GRID2: variants seen among roughly 807,000 people sequenced by gnomAD.
GRID2 encodes the protein glutamate ionotropic receptor delta type subunit 2.
Under a neutral mutation model 114.8 loss-of-function variants are expected in GRID2, and 33 were observed. The observed-to-expected ratio is 0.29, with a 90% confidence interval of 0.22 to 0.38. The LOEUF (loss-of-function observed/expected upper bound fraction) is 0.38. Among genes scored for constraint, GRID2 ranks in the 10% least tolerant of loss-of-function variants. GRID2 has a pLI of 1.00. For missense variants in GRID2, 1,184 were observed against 1,257.7 expected (o/e 0.94, Z 0.89); for synonymous variants, 505 against 449.9 (o/e 1.12, Z -1.55).
intron 1 of GRID2, among the ~76,000 whole-genome samples, chr4:92,378,200 T>C (rs1350216445): frequency 1.3e-5 from 2 of 152,088 alleles, no homozygotes; most frequent in Non-Finnish European, 2.9e-5. Context: ...AAGGGGATTT[T>C]AAGTCATCAC....
chr4:92,461,019 A>G (rs567367925), intron 1 of GRID2, among the ~76,000 whole-genome samples: 5 of 151,552 alleles, frequency 3.3e-5, no homozygotes, highest in African/African-American at 1.2e-4. Flanking sequence ...CCACATATTT[A>G]TTTTTCCATA....
intron 2 of GRID2, among the ~76,000 whole-genome samples, chr4:92,620,777 C>T (rs1730231122): frequency 6.6e-6 from 1 of 150,692 alleles, no homozygotes; most frequent in Non-Finnish European, 1.5e-5. Flanking sequence ...GAACATCACA[C>T]ACCGGGGACT....
intron 10 of GRID2, among the ~76,000 whole-genome samples, chr4:93,443,631 A>T (rs910314079): frequency 1.3e-5 from 2 of 151,952 alleles, no homozygotes. Flanking sequence ...GTGATACATC[A>T]TGAGCAGGGT....
Position 92,548,401 on chromosome 4 carries a change from A to ATTTTTTTTTTTTTTTTTTTTTTTTTTTTT in GRID2, c.89-41712_89-41711insTTTTTTTTTTTTTTTTTTTTTTTTTTTTT, listed in dbSNP as rs61653263. On this transcript the variant is annotated intron_variant, in intron 1 of 15. Coordinates refer to ENST00000282020, the MANE Select transcript of GRID2 (RefSeq NM_001510.4). ...ATGAAGACATTTCTGAGACTGTGTA[A>ATTTTTTTTTTTTTTTTTTTTTTTTTTTTT]TTTTTTTTTTTTTTTTTTGAGACAG... Among the ~76,000 whole-genome samples, 81 of 60,790 alleles carry ATTTTTTTTTTTTTTTTTTTTTTTTTTTTT rather than the reference A, an allele frequency of 1.3e-3. 20 individuals carry two copies. The highest frequency in any genetic ancestry group is 2.4e-3 in the African/African-American group (28 of 11,758). The allele number at this position is 60,790 out of a possible 152,430, so 39.9% of individuals were successfully genotyped here. A position where few individuals can be genotyped will look rare whatever the true frequency, so the allele number is the denominator to read the frequency against.
At chr4:93,191,923 C>T (rs1741016287) in intron 4 of GRID2, among the ~76,000 whole-genome samples, 1 of 152,050 alleles carries the variant, frequency 6.6e-6, no homozygotes, top group Admixed American at 6.6e-5. Flanking sequence ...CTCATTATAC[C>T]CATAATATCT....
intron 8 of GRID2, among the ~76,000 whole-genome samples, chr4:93,325,722 A>T (rs1757759710): frequency 6.6e-6 from 1 of 152,010 alleles, no homozygotes; most frequent in Non-Finnish European, 1.5e-5. Context: ...CTTTAAACTT[A>T]TTAAATGTGC....
chr4:92,349,013 T>G (rs1221301292), intron 1 of GRID2, among the ~76,000 whole-genome samples: 1 of 152,152 alleles, frequency 6.6e-6, no homozygotes, highest in South Asian at 2.1e-4. Flanking sequence ...AGAGTGCTTT[T>G]TTTTTTGAGT....
chr4:93,450,232 T>C (rs1722551080), intron 10 of GRID2, among the ~76,000 whole-genome samples: 1 of 151,888 alleles, frequency 6.6e-6, no homozygotes, highest in African/African-American at 2.4e-5. Flanking sequence ...GGCAGATCTA[T>C]TTAGATTGAT....
At chr4:93,310,397 G>A (rs1560483740) in intron 8 of GRID2, among the ~76,000 whole-genome samples, 1 of 152,074 alleles carries the variant, frequency 6.6e-6, no homozygotes, top group Non-Finnish European at 1.5e-5. Context: ...CAGGTTTGGT[G>A]GCGCACTCCT....
chr4:92,531,183 T>C (rs1311102578), intron 1 of GRID2, among the ~76,000 whole-genome samples: 3 of 152,118 alleles, frequency 2.0e-5, no homozygotes, highest in African/African-American at 7.2e-5. Context: ...GTTTTCGGCA[T>C]AGATAGATGT....
chr4:93,776,788 C>T (rs1734378597), downstream of GRID2, among the ~76,000 whole-genome samples: 1 of 152,148 alleles, frequency 6.6e-6, no homozygotes, highest in Non-Finnish European at 1.5e-5. Context: ...TTCCTATAAG[C>T]CACAGAAAAT....
chr4:93,343,105 C>T (rs1424008964), intron 8 of GRID2, among the ~76,000 whole-genome samples: 10 of 150,238 alleles, frequency 6.7e-5, no homozygotes, highest in African/African-American at 9.8e-5. Context: ...CTTGCCTTTC[C>T]GATTTTACAG....
At chr4:92,672,055 T>C (rs565763889) in intron 2 of GRID2, among the ~76,000 whole-genome samples, 9 of 152,304 alleles carry the variant, frequency 5.9e-5, no homozygotes, top group African/African-American at 1.9e-4. Context: ...ATTTAAACTT[T>C]TTAATATTAT....
chr4:92,944,796 A>G (rs1442277234), intron 2 of GRID2, among the ~76,000 whole-genome samples: 1 of 152,080 alleles, frequency 6.6e-6, no homozygotes. Context: ...TTCCTATAGT[A>G]TGTTGGACTT....
chr4:93,414,706 T>TATATATATA (rs1560595949), intron 9 of GRID2, among the ~76,000 whole-genome samples: 4 of 149,614 alleles, frequency 2.7e-5, no homozygotes, highest in Admixed American at 6.6e-5. Context: ...TATATATATA[T>TATATATATA]TTCCTTTTTT....
At chr4:93,697,031 A>AT (rs1189599172) in intron 14 of GRID2, among the ~76,000 whole-genome samples, 2 of 152,204 alleles carry the variant, frequency 1.3e-5, no homozygotes, top group African/African-American at 4.8e-5. Flanking sequence ...TATGCAAAAA[A>AT]TACTAAAATT....
Position 93,426,680 on chromosome 4 carries a change from T to C in GRID2, c.1545+3712T>C, listed in dbSNP as rs1768876574. 2.0e-5 allele frequency among the ~76,000 whole-genome samples: 3 copies of C among 152,214 alleles called. No individual in the cohort carries two copies. The South Asian group carries it at 6.2e-4, about 32-fold the overall frequency. ...ATATAAGTTTATCGTATAGCAATCA[T>C]ACACAAGAAATAGAATGTTCTTCAT... On this transcript the variant is annotated intron_variant, in intron 10 of 15. Coordinates refer to ENST00000282020, the MANE Select transcript of GRID2 (RefSeq NM_001510.4).
intron 1 of GRID2, among the ~76,000 whole-genome samples, chr4:92,383,890 G>A (rs936714569): frequency 4.0e-5 from 6 of 151,770 alleles, no homozygotes; most frequent in African/African-American, 1.5e-4. Context: ...TGCTGTTAAA[G>A]TTTATGACAT....
chr4:93,086,647 C>T (rs1258463930), intron 3 of GRID2, among the ~76,000 whole-genome samples: 1 of 152,080 alleles, frequency 6.6e-6, no homozygotes, highest in Admixed American at 6.6e-5. Flanking sequence ...ATTTTTGTTG[C>T]TTAATTCACG....
Sources: allele counts gnomAD v4.1 joint callset (sites outside exome capture counted in the v4.1 genomes callset), GRCh38; gene constraint gnomAD v4.1.1; transcripts MANE v1.5; gene names NCBI Gene and HGNC (gene_info 2026-07-23, HGNC 2026-07-21).